GRIK4: variants seen among roughly 807,000 people sequenced by gnomAD.
GRIK4 encodes the protein glutamate receptor ionotropic, kainate 4.
A neutral mutation model predicts 104.9 loss-of-function variants in GRIK4; 40 were observed. That is an observed-to-expected ratio of 0.38 (90% confidence interval 0.30 to 0.50). GRIK4 has a LOEUF of 0.50. GRIK4 is among the 20% of genes least tolerant of loss of function. The pLI, the probability that GRIK4 is intolerant of heterozygous loss-of-function variation, is 0.93. For missense variants in GRIK4, 1,047 were observed against 1,308.1 expected, an observed-to-expected ratio of 0.80 and a Z score of 3.08; for synonymous variants, 485 against 524.9, an observed-to-expected ratio of 0.92 and a Z score of 1.04.
chr11:120,604,692 C>T (rs1948936385), intron 1 of GRIK4, among the ~76,000 whole-genome samples: 1 of 152,232 alleles, frequency 6.6e-6, no homozygotes, highest in Admixed American at 6.5e-5. Context: ...TAAGCCAGAG[C>T]TGGAGAAAAC....
At chr11:120,647,181 T>C (rs1949556012) in intron 1 of GRIK4, among the ~76,000 whole-genome samples, 1 of 152,168 alleles carries the variant, frequency 6.6e-6, no homozygotes, top group African/African-American at 2.4e-5. Context: ...AGAACCACCA[T>C]ACGCTCCTAC....
chr11:120,775,390 G>A (rs56875020), intron 3 of GRIK4, among the ~76,000 whole-genome samples: 4,507 of 152,286 alleles, frequency 0.03, 174 homozygotes, highest in African/African-American at 0.084. Context: ...AGGGAATCAG[G>A]CAGCCTGGGT....
chr11:120,866,365 G>A (rs899188629), intron 9 of GRIK4, among the ~76,000 whole-genome samples: 3 of 152,298 alleles, frequency 2.0e-5, no homozygotes, highest in Non-Finnish European at 2.9e-5. Context: ...GTAATTCACC[G>A]CTCTTCTGTG....
intron 14 of GRIK4, among the ~76,000 whole-genome samples, chr11:120,951,065 T>C (rs921825157): frequency 6.6e-6 from 1 of 152,190 alleles, no homozygotes; most frequent in Admixed American, 6.5e-5. Context: ...CAGTTTCAGA[T>C]AGATCACGTG....
chr11:120,985,341 C>T (rs563150786), intron 20 of GRIK4, among the ~76,000 whole-genome samples: 302 of 152,274 alleles, frequency 2.0e-3, no homozygotes, highest in African/African-American at 6.4e-3. Flanking sequence ...ACATACTCTA[C>T]TGTTTGTGCT....
At chr11:120,849,627 A>C (rs774588970) in intron 8 of GRIK4, among the ~76,000 whole-genome samples, 2 of 152,300 alleles carry the variant, frequency 1.3e-5, no homozygotes, top group South Asian at 2.1e-4. Flanking sequence ...AACACTGCAA[A>C]GTGGGTGTTC....
At chr11:120,944,695 TCC>T (rs933981707) in intron 14 of GRIK4, among the ~76,000 whole-genome samples, 10 of 152,190 alleles carry the variant, frequency 6.6e-5, no homozygotes, top group African/African-American at 1.9e-4. Flanking sequence ...CATTACTGGA[TCC>T]CCATCAAAAG....
At chr11:120,926,247 A>G (rs1289265301) in intron 13 of GRIK4, among the ~76,000 whole-genome samples, 1 of 152,222 alleles carries the variant, frequency 6.6e-6, no homozygotes, top group East Asian at 1.9e-4. Context: ...ACTGACATCT[A>G]TAATGCATAT....
intron 3 of GRIK4, among the ~76,000 whole-genome samples, chr11:120,731,616 T>C (rs1357683071): frequency 6.6e-6 from 1 of 152,206 alleles, no homozygotes; most frequent in Non-Finnish European, 1.5e-5. Context: ...TTCCTGTTTT[T>C]TGGAATAGTT....
At chr11:120,937,782 T>C (rs1370847435) in intron 13 of GRIK4, among the ~76,000 whole-genome samples, 3 of 152,254 alleles carry the variant, frequency 2.0e-5, no homozygotes, top group African/African-American at 7.2e-5. Flanking sequence ...GCTGCCCATC[T>C]GCAGATGTGT....
intron 1 of GRIK4, among the ~76,000 whole-genome samples, chr11:120,570,516 T>C (rs12574365): frequency 0.5 from 76,329 of 152,076 alleles, 19,997 homozygotes; most frequent in African/African-American, 0.65. Context: ...TGCAGTGGCA[T>C]CATCGCGGTT....
chr11:120,613,738 C>T (rs933959213), intron 1 of GRIK4, among the ~76,000 whole-genome samples: 1 of 152,182 alleles, frequency 6.6e-6, no homozygotes, highest in Non-Finnish European at 1.5e-5. Context: ...AGGGAAGCTC[C>T]TGAGCTCTGC....
At chr11:120,565,209 G>A (rs904317393) in intron 1 of GRIK4, among the ~76,000 whole-genome samples, 3 of 152,346 alleles carry the variant, frequency 2.0e-5, no homozygotes, top group Admixed American at 2.0e-4. Context: ...CGCCACGCGG[G>A]ACTGCCTGCC....
chr11:120,800,639 C>G (rs1303941988), intron 3 of GRIK4, among the ~76,000 whole-genome samples: 3 of 152,196 alleles, frequency 2.0e-5, no homozygotes, highest in Non-Finnish European at 4.4e-5. Flanking sequence ...CCATGCATGG[C>G]CAACCTGAGT....
intron 19 of GRIK4, among the ~76,000 whole-genome samples, 126 bp from the exon 20 acceptor site, chr11:120,981,953 CTGGGTGTCTACATGTCAAGTAGATGCA>C (rs1326412216): frequency 6.6e-5 from 10 of 152,242 alleles, no homozygotes; most frequent in African/African-American, 2.2e-4. Flanking sequence ...TCTTCAAGGA[CTGGGTGTCTACATGTCAAGTAGATGCA>C]TGGGTGTCTA....
rs1475483765 is a variant in GRIK4, at chr11:120,986,212, G to A, written c.2823G>A (p.Glu941=). 1 of 1,571,616 alleles carries A rather than the reference G, an allele frequency of 6.4e-7. No individual in the cohort carries two copies. The highest frequency in any genetic ancestry group is 1.7e-5 in the Admixed American group (1 of 58,186). ...LRARPSPARS[E]ESLEWEKTTN... is the part of the protein sequence containing the mutation. ...CACGGCCGTCGCCCGCCCGCAGCGA[G>A]GAGAGCCTGGAGTGGGAGAAAACCA... Residue 941 remains glutamate, a synonymous_variant, in exon 21 of 21, where the codon GAG becomes GAA. Transcript: ENST00000527524.
At chr11:120,650,049 C>G (rs577870549) in intron 1 of GRIK4, among the ~76,000 whole-genome samples, 140 of 152,334 alleles carry the variant, frequency 9.2e-4, no homozygotes, top group African/African-American at 3.3e-3. Context: ...CATTCAGAGC[C>G]AGTCCTGCCC....
At chr11:120,951,761 T>C (rs1944006737) in intron 14 of GRIK4, among the ~76,000 whole-genome samples, 2 of 152,226 alleles carry the variant, frequency 1.3e-5, no homozygotes, top group Non-Finnish European at 2.9e-5. Flanking sequence ...CAGCCCACAC[T>C]CAGCTTCAGC....
chr11:120,802,594 C>T lies in GRIK4; in HGVS notation c.83-99C>T, dbSNP rs1952640723. ...GGATGGAGAGGAACTTGGGGTGCTG[C>T]CTGGAAGAGGAAGGTGGCAGCAGGG... On this transcript the variant is annotated intron_variant, in intron 3 of 20. Coordinates refer to ENST00000527524, the MANE Select transcript of GRIK4 (RefSeq NM_014619.5). 6 of 1,026,340 alleles carry T rather than the reference C, an allele frequency of 5.8e-6. No individual in the cohort carries two copies. In the East Asian group the frequency reaches 9.5e-5, roughly 16 times the overall value. The allele number at this position is 1,026,340 out of a possible 1,614,324, so 63.6% of individuals were successfully genotyped here.
Sources: allele counts gnomAD v4.1 joint callset (sites outside exome capture counted in the v4.1 genomes callset), GRCh38; gene constraint gnomAD v4.1.1; transcripts MANE v1.5; gene names NCBI Gene and HGNC (gene_info 2026-07-23, HGNC 2026-07-21).